The following CHCHD6 variants were observed in gnomAD, a reference collection of about 807,000 sequenced individuals.
CHCHD6 encodes MICOS complex subunit MIC25.
In CHCHD6, 28 loss-of-function variants were observed where a neutral mutation model predicts 32.3. The observed-to-expected ratio is 0.87, with a 90% CI of 0.64 to 1.19. The LOEUF is 1.19. Among genes scored for constraint, CHCHD6 ranks in the 50% most tolerant of loss-of-function variants. CHCHD6 has a pLI of 0.00. For missense variants in CHCHD6, 333 were observed against 307.0 expected (o/e 1.08, Z -0.63); for synonymous variants, 122 against 117.5 (o/e 1.04, Z -0.25).
At chr3:126,788,799 A>G (rs1270858108) in intron 4 of CHCHD6, among the ~76,000 whole-genome samples, 2 of 152,084 alleles carry the variant, frequency 1.3e-5, no homozygotes, top group South Asian at 4.2e-4. Flanking sequence ...TTTTTTGAAG[A>G]GTTTTTTGTG....
chr3:126,884,438 G>A lies in CHCHD6; in HGVS notation c.496-30242G>A, dbSNP rs1258346173. ...ACTATATATATATTGAGCTACATTA[G>A]CCCCACAAATCCAGCTATCTACCAA... is the stretch of plus-strand genomic sequence containing the variant. On this transcript the variant is annotated intron_variant, in intron 5 of 7. Coordinates refer to ENST00000290913, the MANE Select transcript of CHCHD6 (RefSeq NM_032343.3). Among the ~76,000 whole-genome samples the A allele has an allele frequency of 7.9e-5, 12 of 152,116 alleles. No individual in the cohort carries two copies. The East Asian group carries it at 1.5e-3, about 20-fold the overall frequency.
At chr3:126,769,615 G>T (rs900527705) in intron 4 of CHCHD6, among the ~76,000 whole-genome samples, 3 of 152,084 alleles carry the variant, frequency 2.0e-5, no homozygotes, top group Non-Finnish European at 2.9e-5. Context: ...TGATTCTCCT[G>T]CCTCAGTCTC....
intron 6 of CHCHD6, among the ~76,000 whole-genome samples, chr3:126,955,637 G>A (rs1473012528): frequency 1.3e-5 from 2 of 152,128 alleles, no homozygotes; most frequent in Admixed American, 1.3e-4. Context: ...ATCCCTCCCC[G>A]TCTTTAATTT....
At position 126,783,617 on chromosome 3, in the gene CHCHD6, A is replaced by C. The variant is rs555879505; in HGVS notation, c.411+50395A>C. On this transcript the variant is annotated intron_variant, in intron 4 of 7. Transcript: ENST00000290913. ...ATGCAATATCAACATAGAAATATCA[A>C]TTGCATTTCTATATACTAATAATGA... 2.6e-5 allele frequency among the ~76,000 whole-genome samples: 4 copies of C among 152,372 alleles called. No homozygotes were observed. The East Asian group carries it at 5.8e-4, about 22-fold the overall frequency.
intron 6 of CHCHD6, among the ~76,000 whole-genome samples, chr3:126,955,817 C>T (rs935973877): frequency 2.6e-5 from 4 of 152,056 alleles, no homozygotes; most frequent in African/African-American, 9.7e-5. Context: ...AGCATTGTCC[C>T]GCGTAGTCAG....
At chr3:126,785,901 A>G (rs910870850) in intron 4 of CHCHD6, among the ~76,000 whole-genome samples, 1 of 152,200 alleles carries the variant, frequency 6.6e-6, no homozygotes, top group African/African-American at 2.4e-5. Context: ...ATATGTATAC[A>G]TGTGCCATGT....
At chr3:126,742,973 G>A (rs967781130) in intron 4 of CHCHD6, among the ~76,000 whole-genome samples, 3 of 152,134 alleles carry the variant, frequency 2.0e-5, no homozygotes, top group Non-Finnish European at 4.4e-5. Flanking sequence ...TGGGGAGAAG[G>A]ACTAGGGGGA....
At chr3:126,730,479 G>A in intron 2 of CHCHD6, 82 bp from the exon 3 acceptor site, 2 of 1,134,948 alleles carry the variant, frequency 1.8e-6, no homozygotes, top group East Asian at 2.4e-5. Context: ...ATTCATGGGG[G>A]TCATTCCTCT....
chr3:126,931,999 C>T (rs550746687), intron 6 of CHCHD6, among the ~76,000 whole-genome samples: 7 of 152,342 alleles, frequency 4.6e-5, no homozygotes, highest in African/African-American at 9.6e-5. Flanking sequence ...GATTCAGGGC[C>T]TGGTCCTTCT....
chr3:126,942,193 C>T lies in CHCHD6; in HGVS notation c.567-15223C>T, dbSNP rs538410549. Reference sequence around the variant, plus strand: ...CATCCCATCAGTAGGTTCAAGAGGCCACCTGTCCTACCACTAGTGATGCTG... The same window carrying T: ...CATCCCATCAGTAGGTTCAAGAGGCTACCTGTCCTACCACTAGTGATGCTG... On this transcript the variant is annotated intron_variant, in intron 6 of 7. Coordinates refer to ENST00000290913, the MANE Select transcript of CHCHD6 (RefSeq NM_032343.3). Among the ~76,000 whole-genome samples the T allele has an allele frequency of 3.3e-5, 5 of 152,288 alleles. No individual in the cohort carries two copies. The East Asian group carries it at 9.6e-4, about 29-fold the overall frequency.
intron 5 of CHCHD6, among the ~76,000 whole-genome samples, chr3:126,862,246 TCCTCCTCCTCCTCCATCA>T (rs1941934814): frequency 1.3e-5 from 1 of 75,946 alleles, no homozygotes; most frequent in Non-Finnish European, 2.4e-5. Flanking sequence ...CATCACCACC[TCCTCCTCCTCCTCCATCA>T]CCTCCTCCTC....
chr3:126,816,346 C>G (rs576713992), intron 4 of CHCHD6, among the ~76,000 whole-genome samples: 3 of 152,176 alleles, frequency 2.0e-5, no homozygotes, highest in Admixed American at 6.5e-5. Context: ...CATAAGCAGC[C>G]ACAGCCAGGT....
At chr3:126,826,750 A>G (rs149772620) in intron 4 of CHCHD6, among the ~76,000 whole-genome samples, 22 of 152,278 alleles carry the variant, frequency 1.4e-4, no homozygotes, top group South Asian at 2.1e-4. Context: ...GATGTTTGTC[A>G]CCACACTGTG....
At chr3:126,801,420 G>A (rs186732576) in intron 4 of CHCHD6, among the ~76,000 whole-genome samples, 2 of 152,100 alleles carry the variant, frequency 1.3e-5, no homozygotes, top group East Asian at 3.9e-4. Flanking sequence ...TCCCGCACCT[G>A]GCTCGGAGGA....
intron 5 of CHCHD6, among the ~76,000 whole-genome samples, chr3:126,897,839 C>G (rs1450647069): frequency 6.6e-6 from 1 of 152,154 alleles, no homozygotes; most frequent in African/African-American, 2.4e-5. Flanking sequence ...CTGCCTGGCA[C>G]TTTATGGGCA....
At chr3:126,836,715 C>T (rs994396650) in intron 4 of CHCHD6, among the ~76,000 whole-genome samples, 8 of 152,168 alleles carry the variant, frequency 5.3e-5, no homozygotes, top group South Asian at 2.1e-4. Flanking sequence ...GGAGAGAGGG[C>T]GTCTGCAGGG....
intron 6 of CHCHD6, chr3:126,949,326 A>G: frequency 4.7e-6 from 1 of 213,718 alleles, no homozygotes; most frequent in Non-Finnish European, 9.4e-6. Flanking sequence ...AGTCATGGAC[A>G]GCTACACAGG....
intron 6 of CHCHD6, 52 bp from the exon 7 acceptor site, chr3:126,957,364 C>T: frequency 6.3e-7 from 1 of 1,589,010 alleles, no homozygotes; most frequent in Non-Finnish European, 8.5e-7. Flanking sequence ...TGTTTCTCTC[C>T]CCTGCCTGCT....
At chr3:126,765,651 C>A (rs1937338817) in intron 4 of CHCHD6, among the ~76,000 whole-genome samples, 1 of 152,212 alleles carries the variant, frequency 6.6e-6, no homozygotes, top group African/African-American at 2.4e-5. Flanking sequence ...CTGGAGAATG[C>A]ACTTGACTGC....
Sources: gnomAD v4.1 joint callset for allele counts (sites outside exome capture counted in the v4.1 genomes callset) on GRCh38, gnomAD v4.1.1 for gene constraint, MANE v1.5 for transcripts, NCBI Gene and HGNC (gene_info 2026-07-23, HGNC 2026-07-21) for gene names.